Variants in FOXP1 observed in about 807,000 individuals in gnomAD.
FOXP1 encodes the protein forkhead box protein P1.
In FOXP1, 15 loss-of-function variants were observed where a neutral mutation model predicts 98.2. That is an observed-to-expected ratio of 0.15 (90% CI 0.10 to 0.24). The LOEUF is 0.24. Ranked by LOEUF, FOXP1 falls within the 10% of genes least tolerant of loss-of-function variation. The pLI is 1.00. For missense variants in FOXP1, 633 were observed against 848.5 expected (o/e 0.75, Z 3.15); for synonymous variants, 371 against 314.5 (o/e 1.18, Z -1.90).
intron 5 of FOXP1, among the ~76,000 whole-genome samples, chr3:71,237,565 C>A (rs2066906341): frequency 6.6e-6 from 1 of 152,158 alleles, no homozygotes; most frequent in Non-Finnish European, 1.5e-5. Flanking sequence ...ATACTGTCAT[C>A]ACTTCCCATG....
intron 2 of FOXP1, among the ~76,000 whole-genome samples, chr3:71,512,879 C>A (rs959899851): frequency 1.3e-5 from 2 of 152,150 alleles, no homozygotes; most frequent in Admixed American, 1.3e-4. Flanking sequence ...TACACAGAAC[C>A]AGCACGCCAG....
At chr3:71,019,325 A>C (rs563041385) in intron 11 of FOXP1, among the ~76,000 whole-genome samples, 1 of 152,348 alleles carries the variant, frequency 6.6e-6, no homozygotes, top group South Asian at 2.1e-4. Flanking sequence ...ACCAATGTGT[A>C]AAGTATCATT....
At chr3:71,531,505 C>CA (rs1445077517) in intron 2 of FOXP1, among the ~76,000 whole-genome samples, 4 of 147,904 alleles carry the variant, frequency 2.7e-5, no homozygotes, top group East Asian at 2.0e-4. Flanking sequence ...ACAAATTGGA[C>CA]AAAAAAAAAG....
intron 5 of FOXP1, among the ~76,000 whole-genome samples, chr3:71,272,776 A>C (rs1225523563): frequency 6.6e-6 from 1 of 152,000 alleles, no homozygotes; most frequent in Admixed American, 6.6e-5. Context: ...GGGTCACCTG[A>C]CTTTGGTCAT....
At chr3:71,075,153 C>CATCG (rs2053666451) in intron 7 of FOXP1, among the ~76,000 whole-genome samples, 1 of 152,174 alleles carries the variant, frequency 6.6e-6, no homozygotes, top group Non-Finnish European at 1.5e-5. Context: ...GAGACACTGC[C>CATCG]ATCGGTTCTG....
At chr3:71,099,355 A>G (rs898053743) in intron 7 of FOXP1, among the ~76,000 whole-genome samples, 18 of 152,118 alleles carry the variant, frequency 1.2e-4, no homozygotes, top group African/African-American at 3.9e-4. Context: ...TACTAAAAAT[A>G]TAAAAAATTG....
intron 20 of FOXP1, 143 bp downstream of exon 20, chr3:70,965,747 G>T: frequency 2.4e-6 from 2 of 848,144 alleles, no homozygotes; most frequent in Non-Finnish European, 2.0e-6. Flanking sequence ...AACATTTCTT[G>T]AAGTACAAAC....
chr3:71,520,021 T>G (rs1315037274), intron 2 of FOXP1, among the ~76,000 whole-genome samples: 2 of 152,048 alleles, frequency 1.3e-5, no homozygotes, highest in African/African-American at 4.8e-5. Context: ...GATTAAGAAA[T>G]AAAATTAGAT....
chr3:71,451,624 A>G (rs2086967435), intron 3 of FOXP1, among the ~76,000 whole-genome samples: 1 of 152,216 alleles, frequency 6.6e-6, no homozygotes, highest in African/African-American at 2.4e-5. Flanking sequence ...CTGATGAACA[A>G]TACAGTAATT....
intron 2 of FOXP1, among the ~76,000 whole-genome samples, chr3:71,539,840 C>T (rs1431679247): frequency 3.9e-5 from 6 of 152,226 alleles, no homozygotes; most frequent in South Asian, 4.1e-4. Flanking sequence ...TAACAGAAAT[C>T]GAAGGTAAAA....
At chr3:71,358,482 T>C (rs984541687) in intron 4 of FOXP1, among the ~76,000 whole-genome samples, 3 of 152,218 alleles carry the variant, frequency 2.0e-5, no homozygotes, top group African/African-American at 7.2e-5. Context: ...GAGCCGATCA[T>C]CACATTCGTA....
At chr3:71,166,997 A>C (rs1332601587) in intron 6 of FOXP1, among the ~76,000 whole-genome samples, 1 of 152,040 alleles carries the variant, frequency 6.6e-6, no homozygotes, top group Non-Finnish European at 1.5e-5. Flanking sequence ...TTGTTCTGTG[A>C]CAGGCAGAAT....
At chr3:71,064,777 C>T (rs2052150440) in intron 7 of FOXP1, 2 of 984,566 alleles carry the variant, frequency 2.0e-6, no homozygotes, top group Admixed American at 6.2e-5. Flanking sequence ...GCCGCGGAGC[C>T]GGGGGAAGGA....
At chr3:71,416,302 G>A (rs1392744189) in intron 3 of FOXP1, among the ~76,000 whole-genome samples, 1 of 152,080 alleles carries the variant, frequency 6.6e-6, no homozygotes, top group Non-Finnish European at 1.5e-5. Context: ...TTGGGAGGAC[G>A]AGGCAGGAGG....
intron 13 of FOXP1, among the ~76,000 whole-genome samples, chr3:70,995,224 C>T (rs1470361990): frequency 1.3e-5 from 2 of 152,216 alleles, no homozygotes; most frequent in East Asian, 3.9e-4. Flanking sequence ...GGCCCACGGC[C>T]GGTGGACAGT....
intron 3 of FOXP1, among the ~76,000 whole-genome samples, chr3:71,445,822 C>T (rs1056365967): frequency 1.3e-5 from 2 of 151,586 alleles, no homozygotes; most frequent in Non-Finnish European, 2.9e-5. Flanking sequence ...CAAGTAGCTG[C>T]GGATTACAGG....
chr3:71,056,752 G>A (rs913702745), intron 7 of FOXP1, among the ~76,000 whole-genome samples: 3 of 151,928 alleles, frequency 2.0e-5, no homozygotes, highest in Non-Finnish European at 4.4e-5. Context: ...ATCATGAAAA[G>A]AGGTTATGGA....
intron 5 of FOXP1, among the ~76,000 whole-genome samples, chr3:71,285,370 G>C (rs971424144): frequency 1.3e-5 from 2 of 152,084 alleles, no homozygotes; most frequent in Non-Finnish European, 2.9e-5. Flanking sequence ...TTGTCAACCA[G>C]CAGGATAATT....
At chr3:71,017,539 C>T (rs2044687968) in intron 11 of FOXP1, among the ~76,000 whole-genome samples, 1 of 151,162 alleles carries the variant, frequency 6.6e-6, no homozygotes, top group Non-Finnish European at 1.5e-5. Flanking sequence ...CAAATACATA[C>T]ACACTTGATA....
Sources: gnomAD v4.1 joint callset for allele counts (sites outside exome capture counted in the v4.1 genomes callset) on GRCh38, gnomAD v4.1.1 for gene constraint, MANE v1.5 for transcripts, NCBI Gene and HGNC (gene_info 2026-07-23, HGNC 2026-07-21) for gene names.